The following MATN2 variants were observed in gnomAD, a reference collection of about 807,000 sequenced individuals.
MATN2 encodes matrilin-2.
MATN2 carries 69 observed loss-of-function variants against 103.2 expected under a neutral mutation model. The observed-to-expected ratio is 0.67, with a 90% CI of 0.55 to 0.82. The LOEUF is 0.82. Ranked by LOEUF, MATN2 falls within the 40% of genes least tolerant of loss-of-function variation. The probability of loss-of-function intolerance (pLI) is 0.00; values close to 1 mark genes in which losing one functional copy is unlikely to be tolerated. For missense variants in MATN2, 1,023 were observed against 1,211.5 expected (o/e 0.84, Z 2.31); for synonymous variants, 429 against 450.2 (o/e 0.95, Z 0.60).
intron 5 of MATN2, among the ~76,000 whole-genome samples, chr8:97,962,648 G>C (rs1273393191): frequency 6.6e-6 from 1 of 152,178 alleles, no homozygotes; most frequent in Non-Finnish European, 1.5e-5. Context: ...CCATGATAGA[G>C]TGGCAGGGTT....
At position 98,030,829 on chromosome 8, in the gene MATN2, A is replaced by C. The variant is rs569714072; in HGVS notation, c.2509+215A>C. On this transcript the variant is annotated intron_variant, in intron 15 of 18. Transcript: ENST00000254898. ...AGGCACCCACCACCACACCCAGCTA[A>C]TTTTTGTATTTTTAGTAGAGATGAG... Among the ~76,000 whole-genome samples, 4 of 151,874 alleles carry C rather than the reference A, an allele frequency of 2.6e-5. No homozygotes were observed. The South Asian group carries it at 8.4e-4, about 32-fold the overall frequency.
At chr8:97,879,874 C>T (rs1448506866) in intron 1 of MATN2, among the ~76,000 whole-genome samples, 1 of 152,062 alleles carries the variant, frequency 6.6e-6, no homozygotes, top group Non-Finnish European at 1.5e-5. Flanking sequence ...GAATCCTAGC[C>T]AGAGGTTGTC....
chr8:98,014,338 T>C (rs913608267), intron 10 of MATN2, among the ~76,000 whole-genome samples: 7 of 152,184 alleles, frequency 4.6e-5, no homozygotes, highest in Non-Finnish European at 1.0e-4. Context: ...CAGTTGTCTA[T>C]ATCATGGATC....
At chr8:97,999,092 A>C (rs1812697669) in intron 7 of MATN2, among the ~76,000 whole-genome samples, 1 of 152,188 alleles carries the variant, frequency 6.6e-6, no homozygotes, top group Non-Finnish European at 1.5e-5. Flanking sequence ...GGAATCATAG[A>C]ATATTTGTCC....
chr8:98,035,489 G>A (rs1431168222), intron 18 of MATN2, among the ~76,000 whole-genome samples, 168 bp from the exon 19 acceptor site: 1 of 149,320 alleles, frequency 6.7e-6, no homozygotes, highest in Non-Finnish European at 1.5e-5. Context: ...TATGTTAAAT[G>A]AGTTCTACAA....
rs779135353 is a variant in MATN2 at position 97,930,995 on chromosome 8, T to C, written c.185T>C (p.Ile62Thr). The change falls in exon 3 of 19, where the codon ATT becomes ACT. Residue 62 changes from isoleucine (I) to threonine (T), a missense_variant. Transcript: ENST00000254898. ...AAGCGGGCAGACCTGGTTTTCATCA[T>C]TGACAGCTCTCGCAGTGTCAACACC... Reference protein sequence around the residue: ...ENKRADLVFIIDSSRSVNTHD... With the variant: ...ENKRADLVFITDSSRSVNTHD... 2.0e-5 allele frequency: 33 copies of C among 1,613,488 alleles called. No individual in the cohort carries two copies. Among genetic ancestry groups the C allele is most frequent in the South Asian group, 4.4e-5 (4 of 90,974 alleles).
At chr8:97,945,855 T>C (rs577969742) in intron 4 of MATN2, among the ~76,000 whole-genome samples, 95 of 152,180 alleles carry the variant, frequency 6.2e-4, no homozygotes, top group Non-Finnish European at 1.1e-3. Context: ...TCCTCTCTTA[T>C]GGAACTTCAG....
At chr8:98,022,089 G>A (rs1287185906) in intron 13 of MATN2, among the ~76,000 whole-genome samples, 1 of 152,106 alleles carries the variant, frequency 6.6e-6, no homozygotes, top group African/African-American at 2.4e-5. Context: ...GCAAAAAACT[G>A]GAAACAAGCT....
At chr8:97,958,803 G>A (rs911493821) in intron 4 of MATN2, among the ~76,000 whole-genome samples, 2 of 152,128 alleles carry the variant, frequency 1.3e-5, no homozygotes, top group African/African-American at 4.8e-5. Context: ...TCCCTTGAGT[G>A]GTCCCCATTG....
chr8:97,927,728 C>A (rs1810033567), intron 2 of MATN2, among the ~76,000 whole-genome samples: 1 of 152,120 alleles, frequency 6.6e-6, no homozygotes, highest in Non-Finnish European at 1.5e-5. Context: ...TGGAAACTAC[C>A]CATTTGTTTT....
intron 4 of MATN2, among the ~76,000 whole-genome samples, chr8:97,942,264 T>C (rs928105332): frequency 6.6e-6 from 1 of 152,242 alleles, no homozygotes; most frequent in Non-Finnish European, 1.5e-5. Context: ...TTTCCATATT[T>C]TATTATCTTC....
chr8:98,030,557 G>GA lies in MATN2; in HGVS notation c.2454dup (p.Asp819ArgfsTer7). ...CACAAACAAGCATCTCTTCTATGCC[G>GA]AAGACTTCAGCACAATGGATGAGAT... On this transcript the variant is annotated frameshift_variant, in exon 15 of 19. Coordinates refer to ENST00000254898, the MANE Select transcript of MATN2 (RefSeq NM_002380.5). LOFTEE classifies it high-confidence loss of function. The GA allele has an allele frequency of 6.2e-7, 1 of 1,613,926 alleles. No homozygotes were observed. Among genetic ancestry groups the GA allele is most frequent in the Non-Finnish European group, 8.5e-7 (1 of 1,179,860 alleles).
chr8:97,930,170 C>T (rs780405635), intron 2 of MATN2, among the ~76,000 whole-genome samples: 6 of 152,218 alleles, frequency 3.9e-5, no homozygotes. Context: ...ATTCATATCC[C>T]TATTCTCTTA....
At chr8:97,987,024 G>A (rs948497083) in intron 6 of MATN2, among the ~76,000 whole-genome samples, 1 of 149,886 alleles carries the variant, frequency 6.7e-6, no homozygotes, top group South Asian at 2.1e-4. Flanking sequence ...TGTATTTTTA[G>A]TAGAGACAGG....
intron 5 of MATN2, among the ~76,000 whole-genome samples, chr8:97,974,734 C>T (rs1458840648): frequency 2.6e-5 from 4 of 152,200 alleles, no homozygotes; most frequent in South Asian, 2.1e-4. Context: ...CTTGAGCCAC[C>T]GCGTCCAGCC....
chr8:97,940,885 G>A (rs900482828), intron 3 of MATN2, among the ~76,000 whole-genome samples: 6 of 152,142 alleles, frequency 3.9e-5, no homozygotes, highest in African/African-American at 1.2e-4. Context: ...GAGGGCAGGC[G>A]TGGTGGCTTA....
intron 7 of MATN2, among the ~76,000 whole-genome samples, chr8:97,996,535 A>T (rs995326267): frequency 1.3e-5 from 2 of 152,176 alleles, no homozygotes; most frequent in African/African-American, 2.4e-5. Context: ...TTCATCCAAG[A>T]AAAATGAAAT....
At position 98,033,615 on chromosome 8, in the gene MATN2, T is replaced by A; in HGVS notation, c.2771T>A (p.Phe924Tyr). 1 of 1,608,398 alleles carries A rather than the reference T, an allele frequency of 6.2e-7. No homozygotes were observed. The highest frequency in any genetic ancestry group is 8.5e-7 in the Non-Finnish European group (1 of 1,177,364). The change falls in exon 18 of 19, where the codon TTC (phenylalanine) becomes TAC (tyrosine). Residue 924 changes from phenylalanine (F) to tyrosine (Y), a missense_variant. Physicochemically the swap from Phe to Tyr is conservative, Grantham distance 22. Transcript: ENST00000254898. ...DQCKCENLIMFQNLANEEVRK... is the reference protein window; with the variant it reads ...DQCKCENLIMYQNLANEEVRK... ...TGCAAATGTGAAAACCTTATAATGT[T>A]CCAGAACCTTGCAAACGAAGAAGTA...
chr8:97,990,731 A>T (rs1346130378), intron 6 of MATN2, among the ~76,000 whole-genome samples: 1 of 152,242 alleles, frequency 6.6e-6, no homozygotes, highest in Non-Finnish European at 1.5e-5. Context: ...AAGAATACAT[A>T]CTATATGATT....
Sources: gnomAD v4.1 joint callset for allele counts (sites outside exome capture counted in the v4.1 genomes callset) on GRCh38, gnomAD v4.1.1 for gene constraint, MANE v1.5 for transcripts, NCBI Gene and HGNC (gene_info 2026-07-23, HGNC 2026-07-21) for gene names.